ARB2A: variants seen among roughly 807,000 people sequenced by gnomAD.
ARB2A encodes cotranscriptional regulator ARB2A.
chr5:93,618,508 C>T, the ARB2A span: 2 of 151,670 alleles, frequency 1.3e-5, no homozygotes, highest in Non-Finnish European at 2.9e-5. Flanking sequence ...ATTGTTAACA[C>T]TGGCCGTCCT....
chr5:93,748,909 A>G, the ARB2A span, among the ~76,000 whole-genome samples: 4 of 152,164 alleles, frequency 2.6e-5, no homozygotes, highest in Admixed American at 6.5e-5. Context: ...CACTTATGGT[A>G]TGGTTTAACC....
At chr5:93,712,861 T>C in the ARB2A span, among the ~76,000 whole-genome samples, 2 of 151,918 alleles carry the variant, frequency 1.3e-5, no homozygotes, top group East Asian at 1.9e-4. Flanking sequence ...AACAGACACA[T>C]AGACCAATGG....
At chr5:94,047,358 G>A in the ARB2A span, among the ~76,000 whole-genome samples, 2 of 152,108 alleles carry the variant, frequency 1.3e-5, no homozygotes, top group East Asian at 3.9e-4. Context: ...CAGGTGTGGT[G>A]GTGCATGCCT....
the ARB2A span, among the ~76,000 whole-genome samples, chr5:93,935,810 T>A: frequency 4.0e-3 from 609 of 152,332 alleles, 5 homozygotes; most frequent in African/African-American, 0.014. Flanking sequence ...GAATCTGAGT[T>A]CAAAATGATT....
the ARB2A span, among the ~76,000 whole-genome samples, chr5:93,706,662 T>C: frequency 1.3e-5 from 2 of 152,210 alleles, no homozygotes; most frequent in South Asian, 2.1e-4. Context: ...GGTCAGGAGA[T>C]TGAGACCATC....
the ARB2A span, among the ~76,000 whole-genome samples, chr5:93,892,291 C>T: frequency 2.6e-5 from 4 of 152,054 alleles, no homozygotes; most frequent in Non-Finnish European, 4.4e-5. Flanking sequence ...AACAATGCTC[C>T]GAACTGCTTT....
At chr5:93,940,498 A>T in the ARB2A span, among the ~76,000 whole-genome samples, 1 of 151,962 alleles carries the variant, frequency 6.6e-6, no homozygotes, top group East Asian at 1.9e-4. Context: ...ATTAGGTATT[A>T]GTTAGAATTT....
the ARB2A span, among the ~76,000 whole-genome samples, chr5:93,744,889 G>T: frequency 6.6e-6 from 1 of 152,114 alleles, no homozygotes; most frequent in Non-Finnish European, 1.5e-5. Flanking sequence ...GAGTAAGGAT[G>T]GAAACACATG....
chr5:93,760,016 G>A, the ARB2A span, among the ~76,000 whole-genome samples: 3 of 152,136 alleles, frequency 2.0e-5, no homozygotes, highest in Non-Finnish European at 2.9e-5. Context: ...TCTCCAGAAA[G>A]CTCCTAGAAC....
the ARB2A span, among the ~76,000 whole-genome samples, chr5:94,007,381 T>A: frequency 6.6e-6 from 1 of 152,208 alleles, no homozygotes; most frequent in African/African-American, 2.4e-5. Context: ...TATCTTAGAC[T>A]GATCCAGTTT....
chr5:93,672,586 C>A, the ARB2A span, among the ~76,000 whole-genome samples: 1 of 151,900 alleles, frequency 6.6e-6, no homozygotes, highest in Non-Finnish European at 1.5e-5. Context: ...GGGATTACAG[C>A]CGTGAGCCAC....
the ARB2A span, among the ~76,000 whole-genome samples, chr5:93,640,084 A>G: frequency 1.3e-5 from 2 of 151,294 alleles, no homozygotes; most frequent in Non-Finnish European, 2.9e-5. Context: ...AAAAAAAAAA[A>G]AAAATTTATG....
chr5:93,845,817 T>A, the ARB2A span, among the ~76,000 whole-genome samples: 2 of 152,220 alleles, frequency 1.3e-5, no homozygotes, highest in Non-Finnish European at 2.9e-5. Flanking sequence ...GAACATCCTA[T>A]AGACAAAATG....
the ARB2A span, among the ~76,000 whole-genome samples, chr5:93,970,444 A>AT: frequency 6.6e-6 from 1 of 152,174 alleles, no homozygotes; most frequent in African/African-American, 2.4e-5. Flanking sequence ...AGAAGAAATC[A>AT]TTTTTTAAAA....
At chr5:94,094,945 A>C in the ARB2A span, among the ~76,000 whole-genome samples, 1 of 152,220 alleles carries the variant, frequency 6.6e-6, no homozygotes, top group Non-Finnish European at 1.5e-5. Context: ...CTAGGAGGGT[A>C]CCAAACATGG....
chr5:94,032,345 T>C, the ARB2A span, among the ~76,000 whole-genome samples: 3 of 152,166 alleles, frequency 2.0e-5, no homozygotes, highest in African/African-American at 7.2e-5. Flanking sequence ...AGGAATCAGG[T>C]GTCTCACATG....
the ARB2A span, among the ~76,000 whole-genome samples, chr5:94,043,238 C>T: frequency 6.6e-6 from 1 of 152,008 alleles, no homozygotes; most frequent in African/African-American, 2.4e-5. Flanking sequence ...TAGACTGAAC[C>T]AATAGAAAAC....
chr5:93,799,229 T>C, the ARB2A span, among the ~76,000 whole-genome samples: 1 of 152,094 alleles, frequency 6.6e-6, no homozygotes, highest in South Asian at 2.1e-4. Flanking sequence ...GGATAGAGAA[T>C]GGGGTCTGTT....
chr5:93,887,306 A>G, the ARB2A span, among the ~76,000 whole-genome samples: 1 of 151,682 alleles, frequency 6.6e-6, no homozygotes, highest in African/African-American at 2.4e-5. Context: ...GAAAAGTGAA[A>G]GAAGACTGTC....
Sources: gnomAD v4.1 joint callset for allele counts (sites outside exome capture counted in the v4.1 genomes callset) on GRCh38, gnomAD v4.1.1 for gene constraint, MANE v1.5 for transcripts, NCBI Gene and HGNC (gene_info 2026-07-23, HGNC 2026-07-21) for gene names.